The following SBNO2 variants were observed in gnomAD, a reference collection of about 807,000 sequenced individuals.
SBNO2 encodes the protein protein strawberry notch homolog 2.
Under a neutral mutation model 146.3 loss-of-function variants are expected in SBNO2, and 89 were observed. The ratio of observed to expected loss-of-function variants is 0.61; its 90% CI spans 0.51 to 0.73. The LOEUF (loss-of-function observed/expected upper bound fraction) is 0.73, where lower values mean the gene tolerates loss of function less well. Ranked by LOEUF, SBNO2 falls within the 30% of genes least tolerant of loss-of-function variation. The probability of loss-of-function intolerance (pLI) is 0.00; values close to 1 mark genes in which losing one functional copy is unlikely to be tolerated. For synonymous variants in SBNO2, 1,147 were observed against 892.6 expected, an observed-to-expected ratio of 1.29 and a Z score of -5.08; for missense variants, 2,092 against 2,003.7, an observed-to-expected ratio of 1.04 and a Z score of -0.84.
At position 1,108,293 on chromosome 19, in the gene SBNO2, G is replaced by GCCGCGCCCC; in HGVS notation, c.4019_4027dup (p.Gly1340_Ala1342dup). The stretch of plus-strand genomic sequence containing the variant: ...GCTCTGCCGCTCGGGACCACCGCCC[G>GCCGCGCCCC]CCGCGCCCCCCGCCCCCGCGCCCTC... On this transcript the variant is annotated inframe_insertion, in exon 32 of 32. Coordinates refer to ENST00000361757, the MANE Select transcript of SBNO2 (RefSeq NM_014963.3). 1 of 1,496,196 alleles carries GCCGCGCCCC rather than the reference G, an allele frequency of 6.7e-7. No homozygotes were observed. Among genetic ancestry groups the GCCGCGCCCC allele is most frequent in the Non-Finnish European group, 8.9e-7 (1 of 1,120,050 alleles). The allele number at this position is 1,496,196 out of a possible 1,614,324, so 92.7% of individuals were successfully genotyped here.
At position 1,108,466 on chromosome 19, in the gene SBNO2, G is replaced by A. The variant is rs1159528009; in HGVS notation, c.3855C>T (p.Gly1285=). The A allele has an allele frequency of 1.6e-6, 2 of 1,227,700 alleles. No individual in the cohort carries two copies. The highest frequency in any genetic ancestry group is 4.6e-5 in the Admixed American group (1 of 21,566). 76.1% of individuals were successfully genotyped at this position (1,227,700 alleles called of 1,614,324 possible). A position where few individuals can be genotyped will look rare whatever the true frequency, so the allele number is the denominator to read the frequency against. The change falls in exon 32 of 32, where the codon GGC becomes GGT. Residue 1285 remains glycine (G), a synonymous_variant. Transcript: ENST00000361757. The stretch of plus-strand genomic sequence containing the variant: ...GGGTGCCCAGCGGCACGACGCCGGG[G>A]CCGGCGTCCAGGGACAGCGGCGCCG... ...SFPAPLSLDA[G]PGVVPLGTPD...
chr19:1,127,513 G>C (rs1324341888), intron 5 of SBNO2, 91 bp downstream of exon 5: 1 of 1,224,188 alleles, frequency 8.2e-7, no homozygotes, highest in Non-Finnish European at 1.2e-6. Context: ...CAGAGTGGGG[G>C]AGACTGAGAC....
At chr19:1,131,821 C>CA (rs2080031711) in intron 4 of SBNO2, among the ~76,000 whole-genome samples, 1 of 152,260 alleles carries the variant, frequency 6.6e-6, no homozygotes, top group Non-Finnish European at 1.5e-5. Flanking sequence ...CCGACCCCCC[C>CA]ACTCCGCTCG....
At chr19:1,128,968 CA>C (rs55815908) in intron 4 of SBNO2, among the ~76,000 whole-genome samples, 117,715 of 140,176 alleles carry the variant, frequency 0.84, 49,521 homozygotes, top group Non-Finnish European at 0.89. Context: ...GACTCTGTCT[CA>C]AAAAAAAAAA....
Position 1,107,931 on chromosome 19 carries a change from C to T in SBNO2, c.*289G>A, listed in dbSNP as rs963146581. 4 of 234,440 alleles carry T rather than the reference C, an allele frequency of 1.7e-5. No homozygotes were observed. Among genetic ancestry groups the T allele is most frequent in the East Asian group, 9.2e-5 (1 of 10,914 alleles). The allele number at this position is 234,440 out of a possible 1,614,324, so 14.5% of individuals were successfully genotyped here. On this transcript the variant is annotated 3_prime_UTR_variant, in exon 32 of 32. Coordinates refer to ENST00000361757, the MANE Select transcript of SBNO2 (RefSeq NM_014963.3). ...GTTTCACGGATTTCAAGGGTTTGGGCCCACTGAGCCCTTGTGGGTGCCCAG... is the reference window on the plus strand; with the variant it reads ...GTTTCACGGATTTCAAGGGTTTGGGTCCACTGAGCCCTTGTGGGTGCCCAG...
Position 1,136,644 on chromosome 19 carries a change from G to A in SBNO2, c.280-8879C>T, listed in dbSNP as rs1010499388. Among the ~76,000 whole-genome samples, 5 of 152,116 alleles carry A rather than the reference G, an allele frequency of 3.3e-5. No homozygotes were observed. The highest frequency in any genetic ancestry group is 5.9e-5 in the Non-Finnish European group (4 of 67,994). ...ATCCCCCTCTCCCTCTCCCTCCTTCGCTCCCTCATCTCTCTCCCTCTTTTT... is the reference window on the plus strand; with the variant it reads ...ATCCCCCTCTCCCTCTCCCTCCTTCACTCCCTCATCTCTCTCCCTCTTTTT... On this transcript the variant is annotated intron_variant, in intron 4 of 31. Transcript: ENST00000361757. The surrounding 1 kb of genome is among the most constrained non-coding windows in gnomAD (Gnocchi z 4.2).
chr19:1,118,058 G>A (rs764537259), intron 14 of SBNO2, among the ~76,000 whole-genome samples: 1 of 152,250 alleles, frequency 6.6e-6, no homozygotes, highest in Non-Finnish European at 1.5e-5. Flanking sequence ...TGAAGAGGCT[G>A]GGTGTGGTGG....
chr19:1,164,325 CG>C (rs1339558371), intron 1 of SBNO2, among the ~76,000 whole-genome samples: 1 of 149,238 alleles, frequency 6.7e-6, no homozygotes, highest in African/African-American at 2.5e-5. Flanking sequence ...AAGCCTCCCC[CG>C]TGCACAGGAA....
In SBNO2 at chr19:1,157,109, C is replaced by G. The variant is rs1264545522; in HGVS notation, c.-126-2707G>C. Among the ~76,000 whole-genome samples the G allele has an allele frequency of 3.3e-5, 5 of 152,000 alleles. No individual in the cohort carries two copies. In the East Asian group the frequency reaches 5.8e-4, roughly 18 times the overall value. On this transcript the variant is annotated intron_variant, in intron 1 of 31. Coordinates refer to ENST00000361757, the MANE Select transcript of SBNO2 (RefSeq NM_014963.3). The surrounding 1 kb of genome is among the most constrained non-coding windows in gnomAD (Gnocchi z 6.8). ...CCCAGCCCCTAGCCCTGCCTGCAGA[C>G]TCGGTCCTGTCCGAGGGCCCACGCC...
chr19:1,128,784 A>G (rs138351742), intron 4 of SBNO2, among the ~76,000 whole-genome samples: 1,959 of 151,742 alleles, frequency 0.013, 27 homozygotes, highest in Non-Finnish European at 0.021. Context: ...CCTGGACAAT[A>G]TGGCAAAACC....
intron 4 of SBNO2, among the ~76,000 whole-genome samples, chr19:1,131,764 A>AGCCACT (rs1339326739): frequency 1.3e-5 from 2 of 152,150 alleles, no homozygotes; most frequent in African/African-American, 4.8e-5. Context: ...CCCTCCCGAC[A>AGCCACT]GCCACTGCCA....
Position 1,136,758 on chromosome 19 carries a change from A to AT in SBNO2, c.280-8994dup, listed in dbSNP as rs2080088204. On this transcript the variant is annotated intron_variant, in intron 4 of 31. Coordinates refer to ENST00000361757, the MANE Select transcript of SBNO2 (RefSeq NM_014963.3). The surrounding 1 kb of genome is among the most constrained non-coding windows in gnomAD (Gnocchi z 4.2). ...CTGAAACGCATCTGCAGAACAGTCAATGCTGCCTGCCTCCCTGCCTGAAAG... is the reference window on the plus strand; with the variant it reads ...CTGAAACGCATCTGCAGAACAGTCAATTGCTGCCTGCCTCCCTGCCTGAAAG... Among the ~76,000 whole-genome samples the AT allele has an allele frequency of 6.6e-6, 1 of 152,156 alleles. No homozygotes were observed. The highest frequency in any genetic ancestry group is 2.1e-4 in the South Asian group (1 of 4,828).
chr19:1,154,097 T>G, intron 2 of SBNO2, 87 bp downstream of exon 2: 1 of 608,252 alleles, frequency 1.6e-6, no homozygotes, highest in East Asian at 3.5e-5. Flanking sequence ...TGGGGCAGCA[T>G]TCCGCACGAC....
intron 16 of SBNO2, among the ~76,000 whole-genome samples, chr19:1,116,359 A>G (rs1231046797): frequency 7.0e-6 from 1 of 142,826 alleles, no homozygotes; most frequent in East Asian, 2.2e-4. Flanking sequence ...GGATATGATG[A>G]TGGCTCCCAG....
intron 2 of SBNO2, among the ~76,000 whole-genome samples, chr19:1,151,429 A>G (rs539274467): frequency 4.6e-5 from 7 of 152,250 alleles, no homozygotes; most frequent in African/African-American, 1.7e-4. Flanking sequence ...CTATCCCCCT[A>G]GTCTCCTCCC....
rs149497618 is a variant in SBNO2 at position 1,135,911 on chromosome 19, C to T, written c.280-8146G>A. 1.8e-4 allele frequency among the ~76,000 whole-genome samples: 28 copies of T among 152,212 alleles called. No individual in the cohort carries two copies. In the East Asian group the frequency reaches 4.8e-3, roughly 26 times the overall value. ...AGCAGGCCTGGTCACTAGAGTGCCC[C>T]GTGCAGAGCTGAACTGTGTCCCCAA... On this transcript the variant is annotated intron_variant, in intron 4 of 31. Coordinates refer to ENST00000361757, the MANE Select transcript of SBNO2 (RefSeq NM_014963.3).
chr19:1,168,810 C>G (rs2080450280), intron 1 of SBNO2: 1 of 152,278 alleles, frequency 6.6e-6, no homozygotes, highest in African/African-American at 2.4e-5. Flanking sequence ...CCCTCCCCAG[C>G]AAGTGAGTCA....
chr19:1,119,247 A>G (rs2079869879), intron 13 of SBNO2, 83 bp from the exon 14 acceptor site: 3 of 1,486,156 alleles, frequency 2.0e-6, no homozygotes, highest in Non-Finnish European at 9.0e-7. Flanking sequence ...AGCCAGTCGC[A>G]GAGAGGGCGG....
Position 1,108,482 on chromosome 19 carries a change from A to G in SBNO2, c.3839T>C (p.Leu1280Pro). ...GACGCCGGGGCCGGCGTCCAGGGAC[A>G]GCGGCGCCGGGAAAGAGAAGTGCGG... Reference protein sequence around the residue: ...PPPHFSFPAPLSLDAGPGVVP... With the variant: ...PPPHFSFPAPPSLDAGPGVVP... Residue 1280 changes from leucine (L) to proline (P), a missense_variant, in exon 32 of 32, where the codon CTG (leucine) becomes CCG (proline). Coordinates refer to ENST00000361757, the MANE Select transcript of SBNO2 (RefSeq NM_014963.3). 2 of 1,219,312 alleles carry G rather than the reference A, an allele frequency of 1.6e-6. No homozygotes were observed. The highest frequency in any genetic ancestry group is 2.0e-6 in the Non-Finnish European group (2 of 976,230). 75.5% of individuals were successfully genotyped at this position (1,219,312 alleles called of 1,614,324 possible).
Sources: gnomAD v4.1 joint callset for allele counts (sites outside exome capture counted in the v4.1 genomes callset) on GRCh38, gnomAD v4.1.1 for gene constraint, Gnocchi (gnomAD v3.1) non-coding constraint, MANE v1.5 for transcripts, NCBI Gene and HGNC (gene_info 2026-07-23, HGNC 2026-07-21) for gene names.